TENM4: variants seen among roughly 807,000 people sequenced by gnomAD.
TENM4 encodes teneurin transmembrane protein 4.
A neutral mutation model predicts 243.3 loss-of-function variants in TENM4; 82 were observed. That is an observed-to-expected ratio of 0.34 (90% CI 0.28 to 0.40). TENM4 has a LOEUF of 0.40. TENM4 is among the 10% of genes least tolerant of loss of function. The pLI, the probability that TENM4 is intolerant of heterozygous loss-of-function variation, is 1.00. For synonymous variants in TENM4, 1,412 were observed against 1,456.3 expected, an observed-to-expected ratio of 0.97 and a Z score of 0.69; for missense variants, 3,138 against 3,673.3, an observed-to-expected ratio of 0.85 and a Z score of 3.77.
intron 4 of TENM4, among the ~76,000 whole-genome samples, chr11:79,095,528 C>T (rs139890078): frequency 2.1e-4 from 32 of 152,280 alleles, no homozygotes; most frequent in African/African-American, 4.1e-4. Context: ...GTTTATAAAA[C>T]GGGATGGACT....
At chr11:79,314,216 G>A (rs1027368836) in intron 1 of TENM4, among the ~76,000 whole-genome samples, 17 of 152,264 alleles carry the variant, frequency 1.1e-4, no homozygotes, top group Middle Eastern at 3.4e-3. Context: ...TGCCTGCCTC[G>A]TGGTGTCACC....
chr11:79,423,803 G>A (rs1024390747), intron 1 of TENM4, among the ~76,000 whole-genome samples: 7 of 152,146 alleles, frequency 4.6e-5, no homozygotes, highest in Non-Finnish European at 1.0e-4. Flanking sequence ...GAGGAGGCCT[G>A]CAAGGGTAGA....
chr11:78,811,321 G>A (rs1857495643), intron 14 of TENM4, among the ~76,000 whole-genome samples: 1 of 152,174 alleles, frequency 6.6e-6, no homozygotes, highest in African/African-American at 2.4e-5. Context: ...AGTGAGACCT[G>A]GGCTGAATCC....
chr11:79,218,234 A>ACCCCCG (rs1555029524), intron 2 of TENM4, among the ~76,000 whole-genome samples: 1 of 96,460 alleles, frequency 1.0e-5, no homozygotes, highest in Non-Finnish European at 1.9e-5. Flanking sequence ...CCCCCTGCCC[A>ACCCCCG]CCCACCCCCG....
rs1555089896 is a variant in TENM4 at position 78,850,061 on chromosome 11, C to CTCTCTG, written c.1681+4042_1681+4043insCAGAGA. ...CTAAAACTTGCTTGGTTTCAGTGCT[C>CTCTCTG]TGTGTGTGTGTGTGTGTGTGTGTGT... On this transcript the variant is annotated intron_variant, in intron 12 of 33. Transcript: ENST00000278550. Among the ~76,000 whole-genome samples, 1,324 of 149,890 alleles carry CTCTCTG rather than the reference C, an allele frequency of 8.8e-3. 5 individuals carry two copies. Among genetic ancestry groups the CTCTCTG allele is most frequent in the Non-Finnish European group, 0.013 (874 of 67,354 alleles).
chr11:79,000,961 G>A (rs1181285139), intron 6 of TENM4, among the ~76,000 whole-genome samples: 5 of 152,234 alleles, frequency 3.3e-5, no homozygotes. Flanking sequence ...AACCCAGGAG[G>A]TGGAGGTTGC....
chr11:78,671,565 C>T (rs1858325979), intron 31 of TENM4, among the ~76,000 whole-genome samples: 2 of 152,176 alleles, frequency 1.3e-5, no homozygotes, highest in South Asian at 4.1e-4. Flanking sequence ...TGATTCTTAC[C>T]CCTGGGATGA....
intron 3 of TENM4, among the ~76,000 whole-genome samples, chr11:79,210,165 G>C (rs1295719026): frequency 6.6e-6 from 1 of 152,136 alleles, no homozygotes; most frequent in Non-Finnish European, 1.5e-5. Context: ...CTGACCCTGA[G>C]AAAAAATGCA....
intron 1 of TENM4, among the ~76,000 whole-genome samples, chr11:79,390,269 C>T (rs936336140): frequency 1.3e-5 from 2 of 152,196 alleles, no homozygotes; most frequent in Non-Finnish European, 2.9e-5. Flanking sequence ...GCCACCAGCA[C>T]CATCCCTTCC....
chr11:78,793,067 C>A (rs895605868), intron 15 of TENM4, among the ~76,000 whole-genome samples: 1 of 152,178 alleles, frequency 6.6e-6, no homozygotes, highest in Non-Finnish European at 1.5e-5. Context: ...AGATGTTAAT[C>A]CCCGTGCAAG....
chr11:78,945,750 A>G (rs1423198180), intron 6 of TENM4, among the ~76,000 whole-genome samples: 1 of 152,230 alleles, frequency 6.6e-6, no homozygotes, highest in African/African-American at 2.4e-5. Flanking sequence ...AAGGCAAAAC[A>G]GCCTTTTTGC....
intron 3 of TENM4, among the ~76,000 whole-genome samples, chr11:79,172,087 G>T (rs770624000): frequency 6.6e-6 from 1 of 152,176 alleles, no homozygotes; most frequent in Non-Finnish European, 1.5e-5. Context: ...GAGTAGCTGG[G>T]ACTACAGGCA....
chr11:78,910,247 C>A (rs745505724), intron 6 of TENM4, among the ~76,000 whole-genome samples: 17 of 152,160 alleles, frequency 1.1e-4, no homozygotes, highest in Non-Finnish European at 1.6e-4. Context: ...CTAATGATGA[C>A]CCAAGCATAC....
chr11:79,034,312 C>T (rs1196294243), intron 6 of TENM4, among the ~76,000 whole-genome samples: 3 of 152,210 alleles, frequency 2.0e-5, no homozygotes, highest in African/African-American at 7.2e-5. Flanking sequence ...TCTGAGTTCA[C>T]TGTCTTTCCT....
At chr11:79,289,889 A>C (rs1020450552) in intron 2 of TENM4, among the ~76,000 whole-genome samples, 5 of 152,234 alleles carry the variant, frequency 3.3e-5, no homozygotes, top group African/African-American at 1.2e-4. Context: ...TAATTCAAAG[A>C]TAAGTTATCA....
At chr11:79,223,835 C>T (rs1234132425) in intron 2 of TENM4, among the ~76,000 whole-genome samples, 2 of 152,152 alleles carry the variant, frequency 1.3e-5, no homozygotes, top group African/African-American at 4.8e-5. Flanking sequence ...TCCCACTGCT[C>T]CCACCACGTG....
chr11:79,217,401 G>A (rs530668323), intron 2 of TENM4, among the ~76,000 whole-genome samples: 55 of 152,148 alleles, frequency 3.6e-4, no homozygotes, highest in African/African-American at 1.3e-3. Flanking sequence ...ATACACTTAG[G>A]CATAGGAGGT....
chr11:78,685,940 A>G (rs1156625992), intron 29 of TENM4, among the ~76,000 whole-genome samples: 1 of 152,202 alleles, frequency 6.6e-6, no homozygotes, highest in Non-Finnish European at 1.5e-5. Context: ...ACCCCTTCTC[A>G]TAGTCTTTGG....
intron 6 of TENM4, among the ~76,000 whole-genome samples, chr11:79,011,091 G>C (rs1179392463): frequency 6.6e-6 from 1 of 152,198 alleles, no homozygotes; most frequent in African/African-American, 2.4e-5. Flanking sequence ...ATTAAGCCCT[G>C]TTAGAATATT....
Sources: gnomAD v4.1 joint callset for allele counts (sites outside exome capture counted in the v4.1 genomes callset) on GRCh38, gnomAD v4.1.1 for gene constraint, MANE v1.5 for transcripts, NCBI Gene and HGNC (gene_info 2026-07-23, HGNC 2026-07-21) for gene names.